The following ANKAR variants were observed in gnomAD, a reference collection of about 807,000 sequenced individuals.
The protein encoded by ANKAR is ankyrin and armadillo repeat-containing protein.
In ANKAR, 136 loss-of-function variants were observed where a neutral mutation model predicts 146.2. That is an observed-to-expected ratio of 0.93 (90% CI 0.81 to 1.07). The LOEUF (loss-of-function observed/expected upper bound fraction) is 1.07. Ranked by LOEUF, ANKAR falls within the 50% of genes least tolerant of loss-of-function variation. The pLI is 0.00. For missense variants in ANKAR, 1,567 were observed against 1,679.9 expected, an observed-to-expected ratio of 0.93 and a Z score of 1.18; for synonymous variants, 500 against 575.8, an observed-to-expected ratio of 0.87 and a Z score of 1.88.
Position 189,737,736 on chromosome 2 carries a change from CT to C in ANKAR, c.3480del (p.Gln1161AsnfsTer4). ...ALTLFAFNNR[F>X]QQYLILESGI... ...TAACACTTTTTGCCTTCAATAATCG[CT>C]TTCAACAATACTTAATATTGGAAAG... On this transcript the variant is annotated frameshift_variant, in exon 18 of 23. Transcript: ENST00000684021. LOFTEE classifies it high-confidence loss of function. 1 of 1,599,116 alleles carries C rather than the reference CT, an allele frequency of 6.3e-7. No homozygotes were observed. The highest frequency in any genetic ancestry group is 8.5e-7 in the Non-Finnish European group (1 of 1,176,354).
intron 7 of ANKAR, among the ~76,000 whole-genome samples, chr2:189,696,879 T>C (rs1339204465): frequency 6.6e-6 from 1 of 152,224 alleles, no homozygotes; most frequent in Non-Finnish European, 1.5e-5. Context: ...ATATTACATA[T>C]ATTTAAATTA....
rs143186959 is a variant in ANKAR, at chr2:189,728,025, A to G, written c.2805A>G (p.Ala935=). 4.5e-5 allele frequency: 73 copies of G among 1,613,932 alleles called. No homozygotes were observed. Among genetic ancestry groups the G allele is most frequent in the Non-Finnish European group, 5.9e-5 (70 of 1,179,978 alleles). ...GTGCAATGGCTGTGGAATCACTGGC[A>G]AGTCACAACGCTCTTATACAGAAAG... The part of the protein sequence containing the change: ...MKGAMAVESL[A]SHNALIQKAF... Residue 935 remains alanine (A), a synonymous_variant, in exon 13 of 23, where the codon GCA becomes GCG. Coordinates refer to ENST00000684021, the MANE Select transcript of ANKAR (RefSeq NM_001378068.1).
chr2:189,712,085 G>T (rs13019686), intron 10 of ANKAR, among the ~76,000 whole-genome samples: 24 of 152,328 alleles, frequency 1.6e-4, no homozygotes, highest in African/African-American at 5.5e-4. Flanking sequence ...TAAACAAAGC[G>T]GCCGGGAAGC....
At chr2:189,744,693 G>T in intron 21 of ANKAR, 49 bp from the exon 22 acceptor site, 1 of 1,357,278 alleles carries the variant, frequency 7.4e-7, no homozygotes. Context: ...TTTTTTCTGG[G>T]TGCATTATGT....
intron 16 of ANKAR, among the ~76,000 whole-genome samples, chr2:189,732,413 G>A (rs1333623244): frequency 2.0e-5 from 3 of 152,086 alleles, no homozygotes; most frequent in Non-Finnish European, 4.4e-5. Context: ...TGTAATCCCA[G>A]CACTTTAGGA....
chr2:189,740,624 C>T (rs2043237313), intron 19 of ANKAR, among the ~76,000 whole-genome samples: 1 of 151,998 alleles, frequency 6.6e-6, no homozygotes, highest in African/African-American at 2.4e-5. Flanking sequence ...CCTCAATAAG[C>T]AATACATTGA....
intron 2 of ANKAR, among the ~76,000 whole-genome samples, chr2:189,681,281 C>G (rs979192900): frequency 6.6e-6 from 1 of 152,186 alleles, no homozygotes; most frequent in Non-Finnish European, 1.5e-5. Flanking sequence ...GTTAGAGCAC[C>G]AGTAGAGACC....
At chr2:189,745,018 C>CTAATAATAATAA (rs1480352634) in intron 22 of ANKAR, among the ~76,000 whole-genome samples, 4 of 53,826 alleles carry the variant, frequency 7.4e-5, no homozygotes, top group South Asian at 1.1e-3. Flanking sequence ...ACTACTACTA[C>CTAATAATAATAA]TACTACTACT....
chr2:189,736,502 T>TTTTTTTTTTTTG (rs1422561376), intron 17 of ANKAR, among the ~76,000 whole-genome samples: 2 of 141,986 alleles, frequency 1.4e-5, no homozygotes, highest in African/African-American at 5.1e-5. Context: ...TGACTGGGTT[T>TTTTTTTTTTTTG]TGTGTGTGTG....
intron 2 of ANKAR, 41 bp from the exon 3 acceptor site, chr2:189,689,486 G>A (rs758378387): frequency 6.8e-7 from 1 of 1,478,660 alleles, no homozygotes; most frequent in Non-Finnish European, 9.1e-7. Context: ...AGCCAAATAT[G>A]AAATTTTCAC....
At chr2:189,728,566 T>A (rs2042104147) in intron 14 of ANKAR, 94 bp from the exon 15 acceptor site, 1 of 1,501,320 alleles carries the variant, frequency 6.7e-7, no homozygotes, top group East Asian at 2.3e-5. Context: ...GCCTCCCAAG[T>A]AGCTGGGATT....
rs551098135 is a variant in ANKAR, at chr2:189,719,560, T to A, written c.2225-12T>A. The A allele has an allele frequency of 1.3e-6, 2 of 1,566,790 alleles. No individual in the cohort carries two copies. The highest frequency in any genetic ancestry group is 1.7e-5 in the Admixed American group (1 of 58,400). ...TTCATGCTTTTTAATTTTTTTGCTC[T>A]TGTCATTACAGGCACCATTCCTGCC... On this transcript the variant is annotated splice_polypyrimidine_tract_variant and intron_variant, in intron 10 of 22. Transcript: ENST00000684021.
intron 18 of ANKAR, among the ~76,000 whole-genome samples, chr2:189,760,723 G>A (rs747665303): frequency 1.1e-4 from 16 of 151,974 alleles, no homozygotes; most frequent in Non-Finnish European, 2.1e-4. Flanking sequence ...CTCGAGAGGC[G>A]GAGATTGCAG....
intron 2 of ANKAR, among the ~76,000 whole-genome samples, chr2:189,684,829 C>CAAA (rs71023709): frequency 9.3e-6 from 1 of 108,054 alleles, no homozygotes; most frequent in African/African-American, 3.4e-5. Context: ...GACCCTGTCT[C>CAAA]AAAAAAAAAA....
chr2:189,696,127 G>T, intron 6 of ANKAR, 23 bp from the exon 7 acceptor site: 1 of 1,609,182 alleles, frequency 6.2e-7, no homozygotes, highest in South Asian at 1.1e-5. Context: ...TTGATAAACT[G>T]ATTCTGGCCT....
intron 6 of ANKAR, among the ~76,000 whole-genome samples, chr2:189,695,422 A>G (rs188946840): frequency 6.6e-6 from 1 of 152,354 alleles, no homozygotes; most frequent in East Asian, 1.9e-4. Context: ...GTTAGGCAAT[A>G]TTATAAATCA....
chr2:189,674,875 A>G (rs2033248160), intron 1 of ANKAR, 45 bp downstream of exon 1: 1 of 152,392 alleles, frequency 6.6e-6, no homozygotes, highest in South Asian at 2.1e-4. Flanking sequence ...TCCCGTGCCC[A>G]TGGCTGACGC....
chr2:189,748,928 T>A (rs1194931278), downstream of ANKAR, among the ~76,000 whole-genome samples: 2 of 152,064 alleles, frequency 1.3e-5, no homozygotes, highest in African/African-American at 4.8e-5. Flanking sequence ...TTATACTACT[T>A]CTCCTATAAA....
chr2:189,738,080 T>C (rs1159599660), intron 18 of ANKAR, among the ~76,000 whole-genome samples: 1 of 152,202 alleles, frequency 6.6e-6, no homozygotes, highest in Admixed American at 6.5e-5. Flanking sequence ...CTGATGTTTA[T>C]AACAAGCCTG....
Sources: gnomAD v4.1 joint callset for allele counts (sites outside exome capture counted in the v4.1 genomes callset) on GRCh38, gnomAD v4.1.1 for gene constraint, MANE v1.5 for transcripts, NCBI Gene and HGNC (gene_info 2026-07-23, HGNC 2026-07-21) for gene names.